ZFTRAF1: variants seen among roughly 807,000 people sequenced by gnomAD.
ZFTRAF1 encodes zinc finger TRAF-type and ring finger containing 1.
chr8:144,456,343 T>G, the ZFTRAF1 span: 1 of 152,500 alleles, frequency 6.6e-6, no homozygotes, highest in African/African-American at 2.4e-5. Context: ...AGACTCTGGC[T>G]CTACACCAAG....
chr8:144,450,127 G>A, the ZFTRAF1 span: 3 of 494,714 alleles, frequency 6.1e-6, no homozygotes, highest in East Asian at 3.5e-5. Context: ...GGCGCCTGGT[G>A]CACCGTCTCC....
At chr8:144,453,756 G>A in the ZFTRAF1 span, 1 of 348,402 alleles carries the variant, frequency 2.9e-6, no homozygotes, top group Non-Finnish European at 5.4e-6. Flanking sequence ...ACCTGGGGCC[G>A]AGGGTCACGC....
At chr8:144,452,489 G>A in the ZFTRAF1 span, 40 of 1,546,492 alleles carry the variant, frequency 2.6e-5, no homozygotes, top group African/African-American at 3.1e-4. Flanking sequence ...TCGGGTGGGC[G>A]CACGCAGCCT....
At chr8:144,450,541 G>C in the ZFTRAF1 span, 2 of 718,286 alleles carry the variant, frequency 2.8e-6, no homozygotes, top group South Asian at 1.5e-5. Flanking sequence ...TCCTCACGTC[G>C]TCGTAGGGGC....
At chr8:144,462,208 A>G in the ZFTRAF1 span, 1 of 457,878 alleles carries the variant, frequency 2.2e-6, no homozygotes, top group South Asian at 2.8e-5. Context: ...CTCCGAGGAG[A>G]CGCGGATCCT....
the ZFTRAF1 span, chr8:144,456,330 G>T: frequency 0.52 from 80,040 of 152,540 alleles, 21,456 homozygotes; most frequent in Middle Eastern, 0.62. Context: ...CAGCCCCTGC[G>T]CAAGACTCTG....
the ZFTRAF1 span, chr8:144,450,871 AG>A: frequency 8.3e-6 from 5 of 606,032 alleles, no homozygotes; most frequent in Non-Finnish European, 1.5e-5. Flanking sequence ...TCAGCCGGGG[AG>A]GAAGGCAACT....
chr8:144,460,066 G>C, the ZFTRAF1 span, among the ~76,000 whole-genome samples: 2 of 152,358 alleles, frequency 1.3e-5, no homozygotes, highest in South Asian at 2.1e-4. Context: ...GAGCAGGCCA[G>C]AGCCCAGGTC....
At chr8:144,452,493 G>A in the ZFTRAF1 span, 3 of 1,545,380 alleles carry the variant, frequency 1.9e-6, no homozygotes, top group South Asian at 1.2e-5. Flanking sequence ...GTGGGCGCAC[G>A]CAGCCTCGTG....
the ZFTRAF1 span, chr8:144,449,856 C>G: frequency 5.9e-6 from 1 of 169,634 alleles, no homozygotes; most frequent in South Asian, 1.4e-4. Context: ...GGGGCAGGCT[C>G]TGACCCCCAG....
the ZFTRAF1 span, among the ~76,000 whole-genome samples, chr8:144,459,607 G>A: frequency 2.0e-5 from 3 of 152,224 alleles, no homozygotes; most frequent in African/African-American, 4.8e-5. Flanking sequence ...ACCACCCGAG[G>A]CTTCCCTGCC....
At chr8:144,452,911 C>T in the ZFTRAF1 span, among the ~76,000 whole-genome samples, 5 of 152,352 alleles carry the variant, frequency 3.3e-5, no homozygotes, top group Admixed American at 2.0e-4. Context: ...GGGCAGTGTA[C>T]CCTCACACCA....
chr8:144,453,163 G>A, the ZFTRAF1 span: 8 of 1,459,780 alleles, frequency 5.5e-6, no homozygotes, highest in Non-Finnish European at 7.5e-6. Context: ...CTGCACCAGG[G>A]TGGGCTCCCA....
At chr8:144,458,735 C>T in the ZFTRAF1 span, among the ~76,000 whole-genome samples, 55 of 152,162 alleles carry the variant, frequency 3.6e-4, no homozygotes, top group Non-Finnish European at 7.2e-4. Context: ...GGAGGGGATC[C>T]TTGTAGCAAG....
the ZFTRAF1 span, among the ~76,000 whole-genome samples, chr8:144,458,628 A>T: frequency 1.3e-5 from 2 of 152,174 alleles, no homozygotes; most frequent in Non-Finnish European, 2.9e-5. Context: ...GACTGTCAAC[A>T]TGTGGCATAG....
chr8:144,460,344 T>A, the ZFTRAF1 span, among the ~76,000 whole-genome samples: 2 of 152,194 alleles, frequency 1.3e-5, no homozygotes, highest in East Asian at 3.9e-4. Context: ...TGCAGGCCGG[T>A]TTGAACCAGC....
At chr8:144,462,317 A>G in the ZFTRAF1 span, 1 of 577,260 alleles carries the variant, frequency 1.7e-6, no homozygotes, top group Non-Finnish European at 3.1e-6. Context: ...GTCCAGGCAC[A>G]CGGTGCAGCA....
At chr8:144,450,333 G>A in the ZFTRAF1 span, 3 of 695,882 alleles carry the variant, frequency 4.3e-6, no homozygotes, top group Non-Finnish European at 8.0e-6. Flanking sequence ...GGGCAGCGGT[G>A]CTGGGATGCC....
At chr8:144,460,732 A>G in the ZFTRAF1 span, among the ~76,000 whole-genome samples, 2 of 152,212 alleles carry the variant, frequency 1.3e-5, no homozygotes, top group Non-Finnish European at 2.9e-5. Context: ...AAAAATACAA[A>G]AACAGCCGGG....
Sources: allele counts gnomAD v4.1 joint callset (sites outside exome capture counted in the v4.1 genomes callset), GRCh38; gene constraint gnomAD v4.1.1; transcripts MANE v1.5; gene names NCBI Gene and HGNC (gene_info 2026-07-23, HGNC 2026-07-21).